PEAK1: variants seen among roughly 807,000 people sequenced by gnomAD.
PEAK1 encodes pseudopodium enriched atypical kinase 1, also known as inactive tyrosine-protein kinase PEAK1.
A neutral mutation model predicts 124.7 loss-of-function variants in PEAK1; 54 were observed. The ratio of observed to expected loss-of-function variants is 0.43; its 90% CI spans 0.35 to 0.54. The LOEUF (loss-of-function observed/expected upper bound fraction) is 0.54. Ranked by LOEUF, PEAK1 falls within the 20% of genes least tolerant of loss-of-function variation. PEAK1 has a pLI of 0.01. For synonymous variants in PEAK1, 719 were observed against 760.0 expected (o/e 0.95, Z 0.89); for missense variants, 2,046 against 2,134.5 (o/e 0.96, Z 0.82).
Position 77,250,192 on chromosome 15 carries a change from CATATATATACATATATATGTAT to C in PEAK1, c.-115+2153_-115+2174del, listed in dbSNP as rs1307662382. Among the ~76,000 whole-genome samples, 11 of 104,122 alleles carry C rather than the reference CATATATATACATATATATGTAT, an allele frequency of 1.1e-4. No individual in the cohort carries two copies. The East Asian group carries it at 2.3e-3, about 22-fold the overall frequency. 68.3% of individuals were successfully genotyped at this position (104,122 alleles called of 152,430 possible). On this transcript the variant is annotated intron_variant, in intron 6 of 9. Coordinates refer to ENST00000682557, the MANE Select transcript of PEAK1 (RefSeq NM_001385026.1). ...ATATATATGTATATGTATATATATA[CATATATATACATATATATGTAT>C]ATATATACACATATATATGTATATG... is the stretch of plus-strand genomic sequence containing the variant.
chr15:77,333,566 T>C (rs1367232916), intron 2 of PEAK1: 2 of 905,710 alleles, frequency 2.2e-6, no homozygotes, highest in African/African-American at 3.6e-5. Context: ...TATGTTTTTA[T>C]TCTATTTTAA....
At chr15:77,192,303 T>C (rs1047081285) in intron 6 of PEAK1, among the ~76,000 whole-genome samples, 1 of 152,186 alleles carries the variant, frequency 6.6e-6, no homozygotes, top group African/African-American at 2.4e-5. Flanking sequence ...TTGGGTTTAG[T>C]AACTGAAGTG....
chr15:77,315,965 G>T (rs1323935860), intron 2 of PEAK1, among the ~76,000 whole-genome samples: 1 of 152,008 alleles, frequency 6.6e-6, no homozygotes, highest in African/African-American at 2.4e-5. Flanking sequence ...ATCAATATTG[G>T]TTTATTTATT....
At chr15:77,377,106 T>TG (rs1210416545) in intron 1 of PEAK1, among the ~76,000 whole-genome samples, 1 of 136,704 alleles carries the variant, frequency 7.3e-6, no homozygotes, top group African/African-American at 2.5e-5. Flanking sequence ...GATAAGGGGC[T>TG]GGGGGCAGTG....
rs1483669163 is a variant in PEAK1, at chr15:77,391,088, C to T, written c.-665-25863G>A. Among the ~76,000 whole-genome samples the T allele has an allele frequency of 2.6e-5, 4 of 152,148 alleles. No homozygotes were observed. The East Asian group carries it at 7.7e-4, about 29-fold the overall frequency. On this transcript the variant is annotated intron_variant, in intron 1 of 9. Coordinates refer to ENST00000682557, the MANE Select transcript of PEAK1 (RefSeq NM_001385026.1). ...GACTTAGAAGACTCTATTTATGACT[C>T]TCCTTATTCCTGGGTAAGCTGGGCA...
intron 6 of PEAK1, among the ~76,000 whole-genome samples, chr15:77,239,222 C>T (rs2060253181): frequency 6.6e-6 from 1 of 152,142 alleles, no homozygotes; most frequent in Non-Finnish European, 1.5e-5. Context: ...ACTATACGTT[C>T]CCTTCTACTA....
intron 5 of PEAK1, among the ~76,000 whole-genome samples, chr15:77,271,325 T>C (rs986465137): frequency 2.6e-5 from 4 of 152,178 alleles, no homozygotes; most frequent in African/African-American, 9.6e-5. Flanking sequence ...ACTTTTACAC[T>C]GTTGGTGGGA....
chr15:77,145,661 A>C (rs1248503070), intron 8 of PEAK1, among the ~76,000 whole-genome samples: 1 of 152,130 alleles, frequency 6.6e-6, no homozygotes, highest in Non-Finnish European at 1.5e-5. Context: ...AGAATCTTTT[A>C]AAAAATCCTG....
chr15:77,207,813 G>T (rs1250522747), intron 6 of PEAK1, among the ~76,000 whole-genome samples: 1 of 152,112 alleles, frequency 6.6e-6, no homozygotes, highest in Non-Finnish European at 1.5e-5. Context: ...AACAAAAAGA[G>T]AAAATCCTTA....
At chr15:77,161,917 G>A (rs1348093556) in intron 7 of PEAK1, among the ~76,000 whole-genome samples, 3 of 130,868 alleles carry the variant, frequency 2.3e-5, no homozygotes, top group Non-Finnish European at 4.6e-5. Context: ...AGTGAGCAGA[G>A]ATCATGCCAC....
In PEAK1 at chr15:77,255,506, T is replaced by C. The variant is rs74736960; in HGVS notation, c.-274-2980A>G. ...GTTTTGGGAAAACATCATGAAGACA[T>C]GCAAACAAGAAAAATATTCCCAAAA... On this transcript the variant is annotated intron_variant, in intron 5 of 9. Transcript: ENST00000682557. 1.8e-3 allele frequency: 787 copies of C among 439,424 alleles called. 12 individuals carry two copies. In the East Asian group the frequency reaches 0.034, roughly 19 times the overall value. 27.2% of individuals were successfully genotyped at this position (439,424 alleles called of 1,614,324 possible).
intron 2 of PEAK1, chr15:77,351,820 G>A: frequency 1.0e-6 from 1 of 985,422 alleles, no homozygotes; most frequent in Non-Finnish European, 1.2e-6. Context: ...GAACACGGGT[G>A]TGGTAACAGT....
At chr15:77,260,356 C>G (rs1302931710) in intron 5 of PEAK1, among the ~76,000 whole-genome samples, 2 of 151,982 alleles carry the variant, frequency 1.3e-5, no homozygotes, top group Non-Finnish European at 1.5e-5. Context: ...AAATATTTAT[C>G]ATTTAATAAA....
intron 2 of PEAK1, chr15:77,337,552 C>G (rs2066278645): frequency 2.0e-6 from 2 of 984,962 alleles, no homozygotes; most frequent in Non-Finnish European, 2.4e-6. Flanking sequence ...TGTAGTCTGG[C>G]AGAGATTCCA....
chr15:77,372,464 T>C (rs925930667), intron 1 of PEAK1, among the ~76,000 whole-genome samples: 2 of 152,180 alleles, frequency 1.3e-5, no homozygotes, highest in African/African-American at 4.8e-5. Flanking sequence ...TTAAAAAAAC[T>C]ACCATCCTCA....
intron 2 of PEAK1, among the ~76,000 whole-genome samples, chr15:77,356,267 T>C (rs893995361): frequency 6.6e-6 from 1 of 152,198 alleles, no homozygotes; most frequent in Non-Finnish European, 1.5e-5. Flanking sequence ...AAAATTGAAA[T>C]TTATACCTCA....
intron 7 of PEAK1, 118 bp from the exon 8 acceptor site, chr15:77,158,814 C>T (rs1383466293): frequency 1.1e-6 from 1 of 910,396 alleles, no homozygotes; most frequent in Non-Finnish European, 1.7e-6. Flanking sequence ...TCACAATACA[C>T]TTGTCTGAAC....
At chr15:77,316,781 C>T (rs775128660) in intron 2 of PEAK1, among the ~76,000 whole-genome samples, 14 of 151,924 alleles carry the variant, frequency 9.2e-5, no homozygotes, top group Admixed American at 1.3e-4. Flanking sequence ...CATAGCTTAG[C>T]GAAAAGTAAG....
intron 1 of PEAK1, chr15:77,403,778 T>C: frequency 1.0e-6 from 1 of 976,564 alleles, no homozygotes; most frequent in Non-Finnish European, 1.2e-6. Flanking sequence ...ATTTTTCACA[T>C]GACCACAAAC....
Sources: allele counts gnomAD v4.1 joint callset (sites outside exome capture counted in the v4.1 genomes callset), GRCh38; gene constraint gnomAD v4.1.1; transcripts MANE v1.5; gene names NCBI Gene and HGNC (gene_info 2026-07-23, HGNC 2026-07-21).